DDX10: variants seen among roughly 807,000 people sequenced by gnomAD.
The protein encoded by DDX10 is probable ATP-dependent RNA helicase DDX10.
Under a neutral mutation model 104.3 loss-of-function variants are expected in DDX10, and 74 were observed. That is an observed-to-expected ratio of 0.71 (90% confidence interval 0.59 to 0.86). DDX10 has a LOEUF of 0.86. Ranked by LOEUF, DDX10 falls within the 40% of genes least tolerant of loss-of-function variation. DDX10 has a pLI of 0.00. For synonymous variants in DDX10, 351 were observed against 353.4 expected, an observed-to-expected ratio of 0.99 and a Z score of 0.08; for missense variants, 952 against 1,040.0, an observed-to-expected ratio of 0.92 and a Z score of 1.16.
At chr11:108,897,784 T>A (rs1484248471) in intron 16 of DDX10, among the ~76,000 whole-genome samples, 1 of 152,112 alleles carries the variant, frequency 6.6e-6, no homozygotes, top group Non-Finnish European at 1.5e-5. Flanking sequence ...AGGCAACTGC[T>A]GATAATGTGA....
intron 13 of DDX10, among the ~76,000 whole-genome samples, chr11:108,825,014 T>G (rs1474609446): frequency 6.6e-6 from 1 of 152,102 alleles, no homozygotes; most frequent in African/African-American, 2.4e-5. Flanking sequence ...AAAACTTAGT[T>G]GGGAATGAGG....
chr11:108,678,136 C>A (rs562400036), intron 4 of DDX10, among the ~76,000 whole-genome samples, 179 bp from the exon 5 acceptor site: 2 of 152,160 alleles, frequency 1.3e-5, no homozygotes, highest in African/African-American at 4.8e-5. Context: ...CCTGTAAAGA[C>A]TTTTATTTAG....
In DDX10 at chr11:108,665,225, G is replaced by A. The variant is rs1565238932; in HGVS notation, c.72G>A (p.Lys24=). 6.2e-7 allele frequency: 1 copy of A among 1,613,282 alleles called. No individual in the cohort carries two copies. The highest frequency in any genetic ancestry group is 1.7e-5 in the Admixed American group (1 of 59,806). The change falls in exon 1 of 18, where the codon AAG becomes AAA. Residue 24 remains lysine (K), a synonymous_variant. Coordinates refer to ENST00000322536, the MANE Select transcript of DDX10 (RefSeq NM_004398.4). ...CGGTGCGGAGCTTCAATCGCTGGAA[G>A]AAAAAACACAGCCATAGGCAGAACA... The part of the protein sequence containing the change: ...PDPVRSFNRW[K]KKHSHRQNKK...
chr11:108,929,294 G>T (rs1863947687), intron 17 of DDX10, among the ~76,000 whole-genome samples: 1 of 152,178 alleles, frequency 6.6e-6, no homozygotes, highest in Non-Finnish European at 1.5e-5. Flanking sequence ...GAGGAATTGG[G>T]AGAGTTCACT....
rs769475642 is a variant in DDX10 at position 108,691,908 on chromosome 11, A to T, written c.1008A>T (p.Leu336=). Reference sequence around the variant, plus strand: ...ATCTGTACCGAGTGTTTTGCCGGCTACGTCCTGGTGTTTCTATCCTTGCAC... The same window carrying T: ...ATCTGTACCGAGTGTTTTGCCGGCTTCGTCCTGGTGTTTCTATCCTTGCAC... ...VQYLYRVFCR[L]RPGVSILALH... is the part of the protein sequence containing the mutation. The change falls in exon 8 of 18, where the codon CTA becomes CTT. Residue 336 remains leucine (L), a synonymous_variant. Coordinates refer to ENST00000322536, the MANE Select transcript of DDX10 (RefSeq NM_004398.4). 1 of 1,614,130 alleles carries T rather than the reference A, an allele frequency of 6.2e-7. No homozygotes were observed. The highest frequency in any genetic ancestry group is 8.5e-7 in the Non-Finnish European group (1 of 1,180,004).
chr11:108,889,333 G>A (rs1439865416), intron 16 of DDX10, among the ~76,000 whole-genome samples: 1 of 152,034 alleles, frequency 6.6e-6, no homozygotes, highest in Non-Finnish European at 1.5e-5. Flanking sequence ...TAGAAGTACT[G>A]TCACTGTATA....
At chr11:108,820,183 A>G (rs1862307704) in intron 13 of DDX10, among the ~76,000 whole-genome samples, 1 of 152,196 alleles carries the variant, frequency 6.6e-6, no homozygotes, top group African/African-American at 2.4e-5. Flanking sequence ...TAAAACATCT[A>G]GCGTGGTGTT....
At chr11:108,922,237 C>A (rs1402883237) in intron 17 of DDX10, 1 of 32,912 alleles carries the variant, frequency 3.0e-5, no homozygotes, top group African/African-American at 1.3e-4. Flanking sequence ...GAGGGAGACT[C>A]CATCTCAAAA....
chr11:108,759,408 TC>T (rs1312204656), intron 13 of DDX10, among the ~76,000 whole-genome samples: 1 of 151,442 alleles, frequency 6.6e-6, no homozygotes, highest in African/African-American at 2.4e-5. Flanking sequence ...GATTCAGTGT[TC>T]CTACTCTATT....
intron 9 of DDX10, among the ~76,000 whole-genome samples, chr11:108,701,402 GC>G (rs1376197480): frequency 6.6e-6 from 1 of 152,108 alleles, no homozygotes; most frequent in Non-Finnish European, 1.5e-5. Context: ...AGAGGACTGT[GC>G]GATAGTAGAG....
intron 16 of DDX10, among the ~76,000 whole-genome samples, chr11:108,870,943 C>G (rs536953954): frequency 6.6e-6 from 1 of 152,186 alleles, no homozygotes; most frequent in Admixed American, 6.5e-5. Context: ...AAAATAGTGT[C>G]AAAATTGAAG....
Position 108,940,620 on chromosome 11 carries a change from G to A in DDX10, c.*197G>A, listed in dbSNP as rs561503156. 15 of 454,008 alleles carry A rather than the reference G, an allele frequency of 3.3e-5. No homozygotes were observed. In the East Asian group the frequency reaches 4.5e-4, roughly 14 times the overall value. 28.1% of individuals were successfully genotyped at this position (454,008 alleles called of 1,614,324 possible). A position where few individuals can be genotyped will look rare whatever the true frequency, so the allele number is the denominator to read the frequency against. Reference sequence around the variant, plus strand: ...TGCCATCACTGAGCATACTCAGATCGAGGGTGGATGATACCATTTCCTGAC... The same window carrying A: ...TGCCATCACTGAGCATACTCAGATCAAGGGTGGATGATACCATTTCCTGAC... On this transcript the variant is annotated 3_prime_UTR_variant, in exon 18 of 18. Transcript: ENST00000322536.
intron 16 of DDX10, among the ~76,000 whole-genome samples, chr11:108,863,246 A>T (rs1011026223): frequency 3.3e-5 from 5 of 152,150 alleles, no homozygotes; most frequent in African/African-American, 1.2e-4. Flanking sequence ...ATGTAGCCTC[A>T]TTTTTATCTT....
intron 8 of DDX10, among the ~76,000 whole-genome samples, chr11:108,692,507 TG>T (rs1656968089): frequency 6.6e-6 from 1 of 152,164 alleles, no homozygotes; most frequent in Non-Finnish European, 1.5e-5. Flanking sequence ...TTTGTGGGAA[TG>T]GGACGGGGAT....
chr11:108,788,013 G>C (rs528111797), intron 13 of DDX10, among the ~76,000 whole-genome samples: 10 of 152,264 alleles, frequency 6.6e-5, no homozygotes, highest in African/African-American at 2.4e-4. Flanking sequence ...TCTTAAAATG[G>C]CTATTTTGTC....
At chr11:108,686,170 A>T (rs899312583) in intron 6 of DDX10, among the ~76,000 whole-genome samples, 4 of 152,264 alleles carry the variant, frequency 2.6e-5, no homozygotes, top group Admixed American at 6.5e-5. Flanking sequence ...TGCTGTCCCC[A>T]TGCAGCCTCT....
Position 108,714,994 on chromosome 11 carries a change from A to G in DDX10, c.1323-885A>G, listed in dbSNP as rs1331526274. 2.4e-4 allele frequency among the ~76,000 whole-genome samples: 31 copies of G among 130,620 alleles called. 1 individual carries two copies. The Admixed American group carries it at 2.5e-3, about 11-fold the overall frequency. 85.7% of individuals were successfully genotyped at this position (130,620 alleles called of 152,430 possible). Reference sequence around the variant, plus strand: ...TCACCATTCTGGCTTTGCAGAAACAACGTGGTTCAGCCTAAAATCAGAGAA... The same window carrying G: ...TCACCATTCTGGCTTTGCAGAAACAGCGTGGTTCAGCCTAAAATCAGAGAA... On this transcript the variant is annotated intron_variant, in intron 10 of 17. Transcript: ENST00000322536.
In DDX10 at chr11:108,861,723, G is replaced by A. The variant is rs1007084889; in HGVS notation, c.2304+9514G>A. On this transcript the variant is annotated intron_variant, in intron 16 of 17. Transcript: ENST00000322536. ...TCTTAAACTGGGTGGTAGTTACATG[G>A]GGTGTATTTACTTTGTGAAAACTCA... Among the ~76,000 whole-genome samples the A allele has an allele frequency of 5.9e-5, 9 of 152,106 alleles. No individual in the cohort carries two copies. In the South Asian group the frequency reaches 1.9e-3, roughly 32 times the overall value.
At position 108,807,887 on chromosome 11, in the gene DDX10, A is replaced by G. The variant is rs149147771; in HGVS notation, c.1966-30559A>G. Among the ~76,000 whole-genome samples, 126 of 152,294 alleles carry G rather than the reference A, an allele frequency of 8.3e-4. No individual in the cohort carries two copies. The East Asian group carries it at 0.014, about 17-fold the overall frequency. On this transcript the variant is annotated intron_variant, in intron 13 of 17. Coordinates refer to ENST00000322536, the MANE Select transcript of DDX10 (RefSeq NM_004398.4). Reference sequence around the variant, plus strand: ...GTTTTCAGTAGGAATAGTATGAAGGAAAAGAGATGGATCCATAGTTACTGG... The same window carrying G: ...GTTTTCAGTAGGAATAGTATGAAGGGAAAGAGATGGATCCATAGTTACTGG...
Sources: gnomAD v4.1 joint callset for allele counts (sites outside exome capture counted in the v4.1 genomes callset) on GRCh38, gnomAD v4.1.1 for gene constraint, MANE v1.5 for transcripts, NCBI Gene and HGNC (gene_info 2026-07-23, HGNC 2026-07-21) for gene names.